Variants in MID1 observed in about 807,000 individuals in gnomAD.
MID1 encodes E3 ubiquitin-protein ligase Midline-1.
A neutral mutation model predicts 40.4 loss-of-function variants in MID1; 7 were observed. The observed-to-expected ratio is 0.17, with a 90% CI of 0.10 to 0.33. MID1 has a LOEUF of 0.33. Among genes scored for constraint, MID1 ranks in the 10% least tolerant of loss-of-function variants. The pLI, the probability that MID1 is intolerant of heterozygous loss-of-function variation, is 1.00. For missense variants in MID1, 367 were observed against 558.5 expected (o/e 0.66, Z 3.46); for synonymous variants, 229 against 221.2 (o/e 1.04, Z -0.31).
At chrX:10,508,445 T>G (rs1189658214) in intron 3 of MID1, among the ~76,000 whole-genome samples, 2 of 112,764 alleles carry the variant, frequency 1.8e-5, no homozygotes, top group African/African-American at 6.5e-5. Context: ...TTATTTTTAC[T>G]TAAAAAATGT....
chrX:10,560,776 G>A (rs183070372), intron 2 of MID1, among the ~76,000 whole-genome samples: 1,283 of 111,080 alleles, frequency 0.012, 19 homozygotes, highest in African/African-American at 0.038. Flanking sequence ...AATCAGTATC[G>A]TGAAAATGGC....
intron 1 of MID1, among the ~76,000 whole-genome samples, chrX:10,700,807 A>C (rs965275952): frequency 1.8e-5 from 2 of 112,194 alleles, no homozygotes; most frequent in African/African-American, 6.5e-5. Flanking sequence ...GATGATGTGG[A>C]GTCTACATGT....
intron 1 of MID1, among the ~76,000 whole-genome samples, chrX:10,663,506 T>C (rs898378675): frequency 1.8e-5 from 2 of 111,972 alleles, no homozygotes; most frequent in Non-Finnish European, 3.8e-5. Flanking sequence ...ATGGATATCC[T>C]GCATTTGTTT....
intron 1 of MID1, among the ~76,000 whole-genome samples, chrX:10,788,663 T>C (rs906205274): frequency 5.3e-4 from 58 of 109,226 alleles, no homozygotes; most frequent in African/African-American, 1.5e-3. Flanking sequence ...ACATTTTGGT[T>C]GTCATAGTTT....
intron 5 of MID1, among the ~76,000 whole-genome samples, chrX:10,478,703 C>T (rs1471630220): frequency 8.9e-6 from 1 of 112,171 alleles, no homozygotes; most frequent in African/African-American, 3.2e-5. Context: ...GCTCTCTCCC[C>T]TTTTGGAGTT....
chrX:10,579,150 G>A (rs1205063665), intron 1 of MID1, among the ~76,000 whole-genome samples: 1 of 111,611 alleles, frequency 9.0e-6, no homozygotes, highest in Non-Finnish European at 1.9e-5. Context: ...ACAGAAACCT[G>A]TAGATAATGT....
intron 2 of MID1, among the ~76,000 whole-genome samples, chrX:10,533,373 AAAGAAAAAGAAAGAAAGAAAAGAAAG>A (rs1933081058): frequency 1.2e-5 from 1 of 84,270 alleles, no homozygotes; most frequent in African/African-American, 4.6e-5. Flanking sequence ...AGAAAGAAAG[AAAGAAAAAGAAAGAAAGAAAAGAAAG>A]AAAGAAAGAA....
chrX:10,703,523 C>T (rs1602526233), intron 1 of MID1, among the ~76,000 whole-genome samples: 1 of 110,805 alleles, frequency 9.0e-6, no homozygotes, highest in East Asian at 2.8e-4. Flanking sequence ...AAAAATTAGC[C>T]GGGTGCGGTG....
At position 10,467,213 on chromosome X, in the gene MID1, T is replaced by C. The variant is rs1405615613; in HGVS notation, c.1285+2484A>G. Among the ~76,000 whole-genome samples, 3 of 112,190 alleles carry C rather than the reference T, an allele frequency of 2.7e-5. No individual in the cohort carries two copies. The East Asian group carries it at 8.4e-4, about 31-fold the overall frequency. Reference sequence around the variant, plus strand: ...AATGATATCTCAGACATAATATTTATTGAAAAAAACAAGGTAAAGCATTGT... The same window carrying C: ...AATGATATCTCAGACATAATATTTACTGAAAAAAACAAGGTAAAGCATTGT... On this transcript the variant is annotated intron_variant, in intron 7 of 9. Transcript: ENST00000317552.
chrX:10,540,007 C>T (rs890171407), intron 2 of MID1, among the ~76,000 whole-genome samples: 3 of 112,426 alleles, frequency 2.7e-5, no homozygotes, highest in African/African-American at 9.7e-5. Context: ...TCAAGACCAG[C>T]CTGGCCAACA....
At chrX:10,689,439 C>T (rs1332611359) in intron 1 of MID1, among the ~76,000 whole-genome samples, 1 of 111,493 alleles carries the variant, frequency 9.0e-6, no homozygotes, top group Non-Finnish European at 1.9e-5. Flanking sequence ...TGATCCACCT[C>T]ACCTCCCATC....
intron 2 of MID1, among the ~76,000 whole-genome samples, chrX:10,534,650 G>A (rs1295785738): frequency 9.0e-6 from 1 of 111,614 alleles, no homozygotes; most frequent in Non-Finnish European, 1.9e-5. Flanking sequence ...TTGAATTGTG[G>A]CATTCAAAGG....
intron 1 of MID1, among the ~76,000 whole-genome samples, chrX:10,654,598 A>C (rs1223445404): frequency 8.9e-6 from 1 of 111,828 alleles, no homozygotes; most frequent in Non-Finnish European, 1.9e-5. Flanking sequence ...GACAAGAGAG[A>C]GAGCTCAGGC....
chrX:10,582,346 G>A (rs1391584999), intron 1 of MID1, among the ~76,000 whole-genome samples: 1 of 111,869 alleles, frequency 8.9e-6, no homozygotes, highest in African/African-American at 3.3e-5. Flanking sequence ...CAAACATCCT[G>A]GGGAATAGTC....
intron 2 of MID1, among the ~76,000 whole-genome samples, chrX:10,540,808 T>C (rs764102251): frequency 3.9e-4 from 44 of 111,953 alleles, no homozygotes; most frequent in Non-Finnish European, 7.9e-4. Context: ...TCCCTCCCCA[T>C]TGGATTCAAA....
At chrX:10,477,006 T>C (rs763149319) in intron 5 of MID1, among the ~76,000 whole-genome samples, 31 of 112,627 alleles carry the variant, frequency 2.8e-4, no homozygotes, top group African/African-American at 8.4e-4. Flanking sequence ...CCTTAAACTA[T>C]GCTACACACC....
At chrX:10,657,536 C>T (rs1231179867) in intron 1 of MID1, among the ~76,000 whole-genome samples, 3 of 111,788 alleles carry the variant, frequency 2.7e-5, no homozygotes, top group Non-Finnish European at 5.6e-5. Flanking sequence ...CTTGGGTGAC[C>T]TTCCTGATAG....
chrX:10,821,191 C>G (rs772797907), intron 1 of MID1, among the ~76,000 whole-genome samples: 117 of 111,820 alleles, frequency 1.0e-3, no homozygotes, highest in African/African-American at 3.6e-3. Flanking sequence ...CAATAAATGA[C>G]TCCTGGAAGT....
At chrX:10,693,451 C>T (rs184921043) in intron 1 of MID1, among the ~76,000 whole-genome samples, 3 of 109,994 alleles carry the variant, frequency 2.7e-5, no homozygotes, top group East Asian at 2.9e-4. Context: ...CTCAGCTTCC[C>T]GAAGTGCTGG....
Sources: gnomAD v4.1 joint callset for allele counts (sites outside exome capture counted in the v4.1 genomes callset) on GRCh38, gnomAD v4.1.1 for gene constraint, MANE v1.5 for transcripts, NCBI Gene and HGNC (gene_info 2026-07-23, HGNC 2026-07-21) for gene names.